The following NRXN3 variants were observed in gnomAD, a reference collection of about 807,000 sequenced individuals.
NRXN3 encodes the protein neurexin 3.
A neutral mutation model predicts 137.6 loss-of-function variants in NRXN3; 32 were observed. That is an observed-to-expected ratio of 0.23 (90% CI 0.18 to 0.31). NRXN3 has a LOEUF of 0.31. Ranked by LOEUF, NRXN3 falls within the 10% of genes least tolerant of loss-of-function variation. The pLI is 1.00. For synonymous variants in NRXN3, 798 were observed against 784.5 expected (o/e 1.02, Z -0.29); for missense variants, 1,574 against 2,062.5 (o/e 0.76, Z 4.59).
chr14:79,461,281 T>A (rs2096336135), intron 15 of NRXN3, among the ~76,000 whole-genome samples: 1 of 152,196 alleles, frequency 6.6e-6, no homozygotes, highest in Admixed American at 6.5e-5. Context: ...ACAGATCAAG[T>A]TGTTTAATCT....
intron 17 of NRXN3, among the ~76,000 whole-genome samples, chr14:79,679,051 TA>T (rs199536178): frequency 1.5e-3 from 221 of 151,624 alleles, no homozygotes; most frequent in Non-Finnish European, 2.5e-3. Flanking sequence ...CTCTTTGGCT[TA>T]AATTTTTTTT....
intron 10 of NRXN3, among the ~76,000 whole-genome samples, chr14:78,916,626 G>A (rs890111536): frequency 6.6e-6 from 1 of 152,180 alleles, no homozygotes; most frequent in Non-Finnish European, 1.5e-5. Flanking sequence ...GGAGAGGCTA[G>A]TTCATGTTCA....
intron 17 of NRXN3, among the ~76,000 whole-genome samples, chr14:79,681,902 C>A (rs914593587): frequency 6.6e-6 from 1 of 152,148 alleles, no homozygotes; most frequent in African/African-American, 2.4e-5. Context: ...CCTTTCTTTT[C>A]TTTAGGACAT....
intron 16 of NRXN3, among the ~76,000 whole-genome samples, chr14:79,486,319 A>G (rs947989995): frequency 6.6e-6 from 1 of 152,250 alleles, no homozygotes; most frequent in African/African-American, 2.4e-5. Context: ...AATTAAAAAT[A>G]TGTATATATG....
chr14:79,491,825 TATAAAC>T (rs1324703447), intron 16 of NRXN3, among the ~76,000 whole-genome samples: 1 of 152,180 alleles, frequency 6.6e-6, no homozygotes, highest in Non-Finnish European at 1.5e-5. Context: ...TTACAGTATA[TATAAAC>T]ATTAAGAAGA....
At chr14:79,794,532 C>T (rs1461293703) in intron 19 of NRXN3, among the ~76,000 whole-genome samples, 2 of 152,210 alleles carry the variant, frequency 1.3e-5, no homozygotes, top group Non-Finnish European at 2.9e-5. Context: ...TGCCTTCTCT[C>T]TGTCTTCTAA....
intron 4 of NRXN3, among the ~76,000 whole-genome samples, chr14:78,449,835 A>G (rs958763067): frequency 6.6e-6 from 1 of 152,216 alleles, no homozygotes; most frequent in South Asian, 2.1e-4. Flanking sequence ...GACTTATCCA[A>G]CGTCCTAAAG....
chr14:78,921,046 A>T (rs2099269649), intron 10 of NRXN3, among the ~76,000 whole-genome samples: 1 of 152,172 alleles, frequency 6.6e-6, no homozygotes, highest in South Asian at 2.1e-4. Flanking sequence ...GATGTCAGGG[A>T]CGGGGACCTT....
chr14:78,179,842 G>GTTTTTTT (rs796341902), intron 1 of NRXN3, among the ~76,000 whole-genome samples: 53 of 109,150 alleles, frequency 4.9e-4, no homozygotes, highest in South Asian at 6.1e-4. Flanking sequence ...CTGTTTTTTT[G>GTTTTTTT]TTTTTTTTTT....
At chr14:79,377,823 T>A (rs2094349329) in intron 15 of NRXN3, among the ~76,000 whole-genome samples, 1 of 152,224 alleles carries the variant, frequency 6.6e-6, no homozygotes, top group Non-Finnish European at 1.5e-5. Context: ...TCAGCAAGTA[T>A]CTGGTAAATT....
At chr14:78,432,539 G>A (rs535012170) in intron 4 of NRXN3, among the ~76,000 whole-genome samples, 2 of 152,334 alleles carry the variant, frequency 1.3e-5, no homozygotes, top group East Asian at 3.9e-4. Flanking sequence ...CATGAGGAAG[G>A]AAATAGTTTC....
At chr14:78,739,040 G>A (rs1019931908) in intron 8 of NRXN3, among the ~76,000 whole-genome samples, 3 of 152,130 alleles carry the variant, frequency 2.0e-5, no homozygotes, top group Non-Finnish European at 4.4e-5. Context: ...GCCTGTGAAC[G>A]CCAAGCCTCC....
chr14:79,169,423 T>C (rs1017429928), intron 15 of NRXN3, among the ~76,000 whole-genome samples: 1 of 152,138 alleles, frequency 6.6e-6, no homozygotes, highest in Non-Finnish European at 1.5e-5. Flanking sequence ...TTGATGTCTA[T>C]ATATCTTGCC....
rs115387067 is a variant in NRXN3 at position 78,584,202 on chromosome 14, C to T, written c.758-60918C>T. On this transcript the variant is annotated intron_variant, in intron 4 of 20. Transcript: ENST00000335750. Reference sequence around the variant, plus strand: ...GACCATCTGTCTGTATGTGTGCCTGCGATTGTTTTCCAGATATTTGTAGAG... The same window carrying T: ...GACCATCTGTCTGTATGTGTGCCTGTGATTGTTTTCCAGATATTTGTAGAG... Among the ~76,000 whole-genome samples the T allele has an allele frequency of 3.6e-3, 545 of 152,104 alleles. 4 individuals carry two copies. The highest frequency in any genetic ancestry group is 0.013 in the African/African-American group (523 of 41,468).
intron 8 of NRXN3, among the ~76,000 whole-genome samples, chr14:78,781,583 T>G (rs1001382080): frequency 6.6e-6 from 1 of 152,198 alleles, no homozygotes; most frequent in African/African-American, 2.4e-5. Flanking sequence ...AATGTATGAC[T>G]CAACCAAATT....
chr14:78,949,035 G>A (rs559193015), intron 10 of NRXN3, among the ~76,000 whole-genome samples: 7 of 152,232 alleles, frequency 4.6e-5, no homozygotes, highest in Admixed American at 3.3e-4. Context: ...ATGAGACCAC[G>A]TATGCAAAGC....
At chr14:79,775,289 G>T (rs1361898755) in intron 19 of NRXN3, among the ~76,000 whole-genome samples, 1 of 152,052 alleles carries the variant, frequency 6.6e-6, no homozygotes, top group Non-Finnish European at 1.5e-5. Flanking sequence ...TGGCACTCAT[G>T]CTAGAGTTGA....
chr14:78,528,750 A>C (rs2096417012), intron 4 of NRXN3, among the ~76,000 whole-genome samples: 1 of 152,128 alleles, frequency 6.6e-6, no homozygotes, highest in Non-Finnish European at 1.5e-5. Flanking sequence ...GAGTCGTGCA[A>C]GTACAGATTT....
chr14:79,199,032 T>C (rs1425973593), intron 15 of NRXN3, among the ~76,000 whole-genome samples: 2 of 152,082 alleles, frequency 1.3e-5, no homozygotes, highest in Non-Finnish European at 2.9e-5. Context: ...CTGGGCTTGG[T>C]GACATGCGCC....
Sources: gnomAD v4.1 joint callset for allele counts (sites outside exome capture counted in the v4.1 genomes callset) on GRCh38, gnomAD v4.1.1 for gene constraint, MANE v1.5 for transcripts, NCBI Gene and HGNC (gene_info 2026-07-23, HGNC 2026-07-21) for gene names.